Variants in CCDC85A observed in about 807,000 individuals in gnomAD.
CCDC85A encodes the protein coiled-coil domain-containing protein 85A.
In CCDC85A, 38 loss-of-function variants were observed where a neutral mutation model predicts 50.2. The ratio of observed to expected loss-of-function variants is 0.76; its 90% CI spans 0.58 to 0.99. The LOEUF is 0.99. Among genes scored for constraint, CCDC85A ranks in the 50% least tolerant of loss-of-function variants. CCDC85A has a pLI of 0.00. For missense variants in CCDC85A, 820 were observed against 742.0 expected (o/e 1.11, Z -1.22); for synonymous variants, 366 against 301.4 (o/e 1.21, Z -2.22).
intron 2 of CCDC85A, among the ~76,000 whole-genome samples, chr2:56,276,449 C>T (rs1363766019): frequency 6.6e-6 from 1 of 152,072 alleles, no homozygotes; most frequent in Non-Finnish European, 1.5e-5. Flanking sequence ...GTAGGAGGAA[C>T]TGGTGGGAGG....
chr2:56,365,295 G>C (rs563417094), intron 3 of CCDC85A, among the ~76,000 whole-genome samples: 1 of 152,186 alleles, frequency 6.6e-6, no homozygotes, highest in African/African-American at 2.4e-5. Flanking sequence ...TATTAGGATA[G>C]ATACACATTT....
intron 1 of CCDC85A, among the ~76,000 whole-genome samples, chr2:56,187,127 T>C (rs866734231): frequency 9.2e-5 from 14 of 152,170 alleles, no homozygotes; most frequent in South Asian, 2.1e-4. Flanking sequence ...AATCCATAAA[T>C]GTGGTTGATT....
At chr2:56,335,445 A>C (rs1445479940) in intron 2 of CCDC85A, among the ~76,000 whole-genome samples, 1 of 152,146 alleles carries the variant, frequency 6.6e-6, no homozygotes, top group Non-Finnish European at 1.5e-5. Flanking sequence ...ACTATAACAG[A>C]ATACCACAGA....
chr2:56,378,031 C>A (rs1222824792), intron 5 of CCDC85A, among the ~76,000 whole-genome samples: 2 of 152,078 alleles, frequency 1.3e-5, no homozygotes. Context: ...CCTTGAATAT[C>A]AAATGTTTTT....
intron 2 of CCDC85A, among the ~76,000 whole-genome samples, chr2:56,259,203 C>T (rs1558610450): frequency 1.3e-5 from 2 of 152,228 alleles, no homozygotes; most frequent in African/African-American, 2.4e-5. Flanking sequence ...GTGGGGAGTA[C>T]ATTTTTGACA....
intron 3 of CCDC85A, among the ~76,000 whole-genome samples, chr2:56,368,394 C>T (rs948413571): frequency 3.3e-5 from 5 of 152,068 alleles, no homozygotes; most frequent in African/African-American, 1.2e-4. Flanking sequence ...TTTGCTAGGA[C>T]AGTTTTACAA....
intron 2 of CCDC85A, among the ~76,000 whole-genome samples, chr2:56,268,354 T>A (rs1440156287): frequency 4.0e-5 from 6 of 151,894 alleles, no homozygotes. Flanking sequence ...TCCCAGCACT[T>A]TGGGAGGCCA....
At chr2:56,205,374 TTGAACTAGTTTGGAGTA>T (rs1480620709) in intron 2 of CCDC85A, among the ~76,000 whole-genome samples, 1 of 151,812 alleles carries the variant, frequency 6.6e-6, no homozygotes, top group African/African-American at 2.4e-5. Flanking sequence ...CAGCTGACAT[TTGAACTAGTTTGGAGTA>T]AGGCTCTTCA....
chr2:56,372,849 C>T (rs1384916196), intron 4 of CCDC85A, among the ~76,000 whole-genome samples: 2 of 152,178 alleles, frequency 1.3e-5, no homozygotes, highest in Admixed American at 6.5e-5. Flanking sequence ...GTGATGCATG[C>T]ACTGTGTGAT....
At chr2:56,340,602 G>A (rs188752704) in intron 2 of CCDC85A, among the ~76,000 whole-genome samples, 16 of 152,182 alleles carry the variant, frequency 1.1e-4, no homozygotes, top group East Asian at 3.9e-4. Flanking sequence ...ATGGCTGTGC[G>A]TGGTAGCTCA....
At chr2:56,366,188 G>A (rs1675785131) in intron 3 of CCDC85A, among the ~76,000 whole-genome samples, 2 of 152,124 alleles carry the variant, frequency 1.3e-5, no homozygotes, top group South Asian at 4.2e-4. Context: ...TCCATATCTT[G>A]GCTATTATGA....
chr2:56,316,996 G>T (rs1672951058), intron 2 of CCDC85A, among the ~76,000 whole-genome samples: 1 of 152,010 alleles, frequency 6.6e-6, no homozygotes, highest in African/African-American at 2.4e-5. Context: ...TCTATTTTCT[G>T]TTAAAGTGGA....
chr2:56,251,846 A>G (rs970852672), intron 2 of CCDC85A, among the ~76,000 whole-genome samples: 2 of 152,008 alleles, frequency 1.3e-5, no homozygotes, highest in Non-Finnish European at 2.9e-5. Context: ...GAACAAGTGG[A>G]ATGCCCGTAG....
At chr2:56,295,205 A>G (rs985543951) in intron 2 of CCDC85A, among the ~76,000 whole-genome samples, 1 of 152,142 alleles carries the variant, frequency 6.6e-6, no homozygotes, top group African/African-American at 2.4e-5. Context: ...ATCTTGTCTC[A>G]GAGCTTCAAA....
chr2:56,264,818 T>G (rs544952823), intron 2 of CCDC85A, among the ~76,000 whole-genome samples: 1 of 152,238 alleles, frequency 6.6e-6, no homozygotes, highest in South Asian at 2.1e-4. Flanking sequence ...CCTCACTCAT[T>G]CCTCTCCAGG....
intron 2 of CCDC85A, among the ~76,000 whole-genome samples, chr2:56,318,035 T>G (rs1673000023): frequency 6.6e-6 from 1 of 152,102 alleles, no homozygotes; most frequent in African/African-American, 2.4e-5. Context: ...TCCAAGATGT[T>G]AAAGCCAATA....
chr2:56,249,263 A>T lies in CCDC85A; in HGVS notation c.1240+55823A>T, dbSNP rs371532580. The stretch of plus-strand genomic sequence containing the variant: ...CATGAGCTCTGCCTTAGGCAGAGGG[A>T]TGTACCAATGCCAGACCACAGACTG... On this transcript the variant is annotated intron_variant, in intron 2 of 5. Coordinates refer to ENST00000407595, the MANE Select transcript of CCDC85A (RefSeq NM_001080433.2). 5.1e-4 allele frequency among the ~76,000 whole-genome samples: 77 copies of T among 152,336 alleles called. 1 individual carries two copies. The highest frequency in any genetic ancestry group is 1.8e-3 in the African/African-American group (75 of 41,580).
chr2:56,353,024 T>G (rs2104349132), intron 3 of CCDC85A, among the ~76,000 whole-genome samples: 1 of 152,348 alleles, frequency 6.6e-6, no homozygotes, highest in South Asian at 2.1e-4. Context: ...CTTTTTATTT[T>G]GATACTCAGA....
chr2:56,194,859 C>A (rs528551542), intron 2 of CCDC85A, among the ~76,000 whole-genome samples: 2 of 150,922 alleles, frequency 1.3e-5, no homozygotes, highest in Admixed American at 6.6e-5. Flanking sequence ...GGAGATGCTG[C>A]CCCCACCCCC....
Sources: gnomAD v4.1 joint callset for allele counts (sites outside exome capture counted in the v4.1 genomes callset) on GRCh38, gnomAD v4.1.1 for gene constraint, MANE v1.5 for transcripts, NCBI Gene and HGNC (gene_info 2026-07-23, HGNC 2026-07-21) for gene names.